The following SYNE1 variants were observed in gnomAD, a reference collection of about 807,000 sequenced individuals.
SYNE1 encodes the protein spectrin repeat containing nuclear envelope protein 1.
SYNE1 carries 616 observed loss-of-function variants against 1,111.0 expected under a neutral mutation model. The ratio of observed to expected loss-of-function variants is 0.55; its 90% CI spans 0.52 to 0.59. The LOEUF is 0.59. Ranked by LOEUF, SYNE1 falls within the 20% of genes least tolerant of loss-of-function variation. The pLI is 0.00. For synonymous variants in SYNE1, 3,855 were observed against 3,825.8 expected (o/e 1.01, Z -0.28); for missense variants, 10,006 against 10,417.0 (o/e 0.96, Z 1.72).
rs1245494187 is a variant in SYNE1 at position 152,121,818 on chromosome 6, G to T, written c.*618C>A. On this transcript the variant is annotated 3_prime_UTR_variant, in exon 146 of 146. Transcript: ENST00000367255. ...ACTTTTTTCACATAAAGCCTTCCAT[G>T]ATCTTATTTATTACATCTAGTTTTT... is the stretch of plus-strand genomic sequence containing the variant. 1 of 152,302 alleles carries T rather than the reference G, an allele frequency of 6.6e-6. No individual in the cohort carries two copies. Among genetic ancestry groups the T allele is most frequent in the African/African-American group, 2.4e-5 (1 of 41,076 alleles). 9.4% of individuals were successfully genotyped at this position (152,302 alleles called of 1,614,324 possible). A position where few individuals can be genotyped will look rare whatever the true frequency, so the allele number is the denominator to read the frequency against.
rs1258683996 is a variant in SYNE1 at position 152,231,942 on chromosome 6, TTTC to T, written c.20862+171_20862+173del. ...TCAAAATCATTCCTAGTACTGGATATTTCTTCTTATTTCTATAACTGATAATGC... is the reference window on the plus strand; with the variant it reads ...TCAAAATCATTCCTAGTACTGGATATTTCTTATTTCTATAACTGATAATGC... On this transcript the variant is annotated intron_variant, in intron 113 of 145. Coordinates refer to ENST00000367255, the MANE Select transcript of SYNE1 (RefSeq NM_182961.4). Among the ~76,000 whole-genome samples, 15 of 152,246 alleles carry T rather than the reference TTTC, an allele frequency of 9.9e-5. No homozygotes were observed. In the South Asian group the frequency reaches 2.9e-3, roughly 29 times the overall value.
intron 63 of SYNE1, among the ~76,000 whole-genome samples, chr6:152,364,453 C>CTTTTT (rs5880969): frequency 6.8e-6 from 1 of 148,012 alleles, no homozygotes. Flanking sequence ...CATTATGAAT[C>CTTTTT]TTTTTTTTTT....
intron 74 of SYNE1, among the ~76,000 whole-genome samples, chr6:152,341,870 T>C (rs1463508413): frequency 6.6e-6 from 1 of 152,208 alleles, no homozygotes; most frequent in Non-Finnish European, 1.5e-5. Context: ...GAGGACCTGC[T>C]GTACATGGTT....
At chr6:152,282,075 A>T in intron 96 of SYNE1, 95 bp from the exon 97 acceptor site, 1 of 1,316,180 alleles carries the variant, frequency 7.6e-7, no homozygotes, top group Non-Finnish European at 1.1e-6. Flanking sequence ...CTGGCTGTAC[A>T]TAAGAATCAC....
intron 130 of SYNE1, among the ~76,000 whole-genome samples, chr6:152,170,121 G>A (rs2064812958): frequency 1.3e-5 from 2 of 151,872 alleles, no homozygotes; most frequent in Admixed American, 1.3e-4. Context: ...TTACCTCATG[G>A]AGTTAAAAAA....
At chr6:152,597,713 T>G (rs780808300) in intron 3 of SYNE1, among the ~76,000 whole-genome samples, 2 of 152,186 alleles carry the variant, frequency 1.3e-5, no homozygotes, top group African/African-American at 2.4e-5. Context: ...AATGAATTCT[T>G]TCTTTTGTTG....
chr6:152,214,082 T>A (rs1469377594), intron 122 of SYNE1, among the ~76,000 whole-genome samples: 1 of 151,334 alleles, frequency 6.6e-6, no homozygotes, highest in African/African-American at 2.4e-5. Flanking sequence ...GTGACTGTAA[T>A]CCCAGCTACT....
At chr6:152,379,789 A>G (rs996430877) in intron 56 of SYNE1, among the ~76,000 whole-genome samples, 8 of 152,200 alleles carry the variant, frequency 5.3e-5, no homozygotes, top group Admixed American at 5.2e-4. Context: ...ATATTTTTAT[A>G]GGCCTCAACC....
At chr6:152,611,123 A>G (rs1049097728) in intron 3 of SYNE1, among the ~76,000 whole-genome samples, 4 of 152,214 alleles carry the variant, frequency 2.6e-5, no homozygotes, top group African/African-American at 9.6e-5. Flanking sequence ...TCATAATGAC[A>G]TGATCAAATT....
chr6:152,166,018 C>G (rs11970498), intron 130 of SYNE1, among the ~76,000 whole-genome samples: 16,248 of 152,272 alleles, frequency 0.11, 935 homozygotes, highest in African/African-American at 0.16. Context: ...GCTTTTACAT[C>G]TGTAGGAATG....
At chr6:152,133,762 T>C (rs938161838) in intron 142 of SYNE1, 6 of 463,322 alleles carry the variant, frequency 1.3e-5, no homozygotes, top group African/African-American at 5.9e-5. Context: ...AGTTAATGTA[T>C]ATATGACAGT....
intron 32 of SYNE1, among the ~76,000 whole-genome samples, chr6:152,436,875 A>C (rs917655375): frequency 6.6e-6 from 1 of 152,152 alleles, no homozygotes; most frequent in Non-Finnish European, 1.5e-5. Flanking sequence ...GAGACTATCA[A>C]TGATCTTTGG....
chr6:152,279,470 C>T (rs2093885031), intron 97 of SYNE1, among the ~76,000 whole-genome samples: 1 of 151,676 alleles, frequency 6.6e-6, no homozygotes, highest in African/African-American at 2.4e-5. Flanking sequence ...AATCCCAGCA[C>T]TTTGGGAGGC....
chr6:152,376,798 C>T lies in SYNE1; in HGVS notation c.9124G>A (p.Gly3042Ser), dbSNP rs1554580101. 1 of 1,613,980 alleles carries T rather than the reference C, an allele frequency of 6.2e-7. No individual in the cohort carries two copies. Residue 3042 changes from glycine (G) to serine (S), a missense_variant, in exon 57 of 146, where the codon GGC (glycine) becomes AGC (serine). Gly to Ser is a moderately conservative substitution (Grantham distance 56). Transcript: ENST00000367255. ...CACCAATTATACTCTTTAATCAAGC[C>T]AGAAACTTTTCCACTGTAGGTACTC... ...DLSTYSGKVS[G>S]LIKEYNCLCL...
chr6:152,256,886 G>A, intron 101 of SYNE1, 121 bp from the exon 102 acceptor site: 1 of 1,439,386 alleles, frequency 6.9e-7, no homozygotes, highest in Middle Eastern at 2.2e-4. Context: ...TTCTTCTAGA[G>A]AAATATAACT....
intron 131 of SYNE1, among the ~76,000 whole-genome samples, chr6:152,160,562 A>G (rs1036553621): frequency 6.6e-6 from 1 of 152,200 alleles, no homozygotes; most frequent in African/African-American, 2.4e-5. Context: ...TATGCAGCAT[A>G]TATAGCATAG....
chr6:152,532,901 G>A (rs890856791), intron 4 of SYNE1, among the ~76,000 whole-genome samples: 3 of 152,096 alleles, frequency 2.0e-5, no homozygotes, highest in African/African-American at 7.2e-5. Context: ...GTAATATAGA[G>A]AAGTGGGAAG....
chr6:152,247,553 C>CA (rs1299899679), intron 105 of SYNE1, among the ~76,000 whole-genome samples: 18 of 151,068 alleles, frequency 1.2e-4, no homozygotes, highest in African/African-American at 4.1e-4. Context: ...CTTTAAAAAG[C>CA]AGATGAAATT....
At chr6:152,631,835 G>A (rs1025801081) in intron 2 of SYNE1, among the ~76,000 whole-genome samples, 6 of 151,870 alleles carry the variant, frequency 4.0e-5, no homozygotes, top group Non-Finnish European at 5.9e-5. Context: ...AGCAGAAGAG[G>A]GGCCTTATAG....
Sources: gnomAD v4.1 joint callset for allele counts (sites outside exome capture counted in the v4.1 genomes callset) on GRCh38, gnomAD v4.1.1 for gene constraint, MANE v1.5 for transcripts, NCBI Gene and HGNC (gene_info 2026-07-23, HGNC 2026-07-21) for gene names.